Variants in SLC26A8 observed in about 807,000 individuals in gnomAD.
The protein encoded by SLC26A8 is testis anion transporter 1.
In SLC26A8, 70 loss-of-function variants were observed where a neutral mutation model predicts 105.0. The ratio of observed to expected loss-of-function variants is 0.67; its 90% CI spans 0.55 to 0.81. The LOEUF (loss-of-function observed/expected upper bound fraction) is 0.81. Among genes scored for constraint, SLC26A8 ranks in the 40% least tolerant of loss-of-function variants. The probability of loss-of-function intolerance (pLI) is 0.00; values close to 1 mark genes in which losing one functional copy is unlikely to be tolerated. For synonymous variants in SLC26A8, 415 were observed against 438.3 expected (o/e 0.95, Z 0.66); for missense variants, 998 against 1,181.8 (o/e 0.84, Z 2.28).
rs869306115 is a variant in SLC26A8, at chr6:35,989,927, C to CTTTTTTTTTTTTT, written c.942+1719_942+1731dup. On this transcript the variant is annotated intron_variant, in intron 7 of 19. Transcript: ENST00000490799. ...TTTGTTTGTTTGTTTGTTTTCTTTTCTTTTTTTTTTTTTTTTTTTTTTTTT... is the reference window on the plus strand; with the variant it reads ...TTTGTTTGTTTGTTTGTTTTCTTTTCTTTTTTTTTTTTTTTTTTTTTTTTTTTTTTTTTTTTTT... 4.7e-5 allele frequency: 4 copies of CTTTTTTTTTTTTT among 84,570 alleles called. 1 individual carries two copies. Among genetic ancestry groups the CTTTTTTTTTTTTT allele is most frequent in the Non-Finnish European group, 6.2e-5 (3 of 48,212 alleles). The allele number at this position is 84,570 out of a possible 1,614,324, so 5.2% of individuals were successfully genotyped here.
At chr6:35,989,042 A>T (rs1178644969) in intron 7 of SLC26A8, among the ~76,000 whole-genome samples, 1 of 151,958 alleles carries the variant, frequency 6.6e-6, no homozygotes, top group African/African-American at 2.4e-5. Flanking sequence ...GTGTTTCACC[A>T]TGTTGGCCAG....
intron 19 of SLC26A8, among the ~76,000 whole-genome samples, chr6:35,945,278 C>T (rs1275728613): frequency 6.6e-6 from 1 of 152,174 alleles, no homozygotes; most frequent in Admixed American, 6.6e-5. Context: ...CAGACTCAAT[C>T]AATTTCCAAC....
intron 17 of SLC26A8, among the ~76,000 whole-genome samples, chr6:35,953,121 C>A (rs1256218478): frequency 1.3e-5 from 2 of 150,436 alleles, no homozygotes; most frequent in African/African-American, 4.9e-5. Flanking sequence ...GCAGTATACA[C>A]AACTACAAAG....
chr6:35,949,381 G>A (rs376911161), intron 19 of SLC26A8, among the ~76,000 whole-genome samples: 170 of 152,074 alleles, frequency 1.1e-3, no homozygotes, highest in African/African-American at 4.0e-3. Flanking sequence ...GCAGTGAGCC[G>A]AGACCATGCC....
rs368843251 is a variant in SLC26A8, at chr6:35,944,100, C to A, written c.2713G>T (p.Glu905Ter). 1.2e-6 allele frequency: 2 copies of A among 1,613,926 alleles called. No individual in the cohort carries two copies. The highest frequency in any genetic ancestry group is 1.7e-6 in the Non-Finnish European group (2 of 1,179,994). The change falls in exon 20 of 20, where the codon GAG becomes TAG. Residue 905 changes from glutamate (E) to a stop codon, truncating the protein, a stop_gained. Transcript: ENST00000490799. LOFTEE classifies it high-confidence loss of function. ...TTGGGCTCCATCTCAGGCTCAGTCTCAGGCTGGGGCTCCATCTCGGTCTGG... is the reference window on the plus strand; with the variant it reads ...TTGGGCTCCATCTCAGGCTCAGTCTAAGGCTGGGGCTCCATCTCGGTCTGG... ...KTQTEMEPQP[E>*]TEPEMEPNPK...
At chr6:36,016,077 T>G (rs549670861) in intron 2 of SLC26A8, among the ~76,000 whole-genome samples, 14 of 151,894 alleles carry the variant, frequency 9.2e-5, no homozygotes, top group South Asian at 2.1e-4. Context: ...CACTGCAACC[T>G]CTGCCTCCCG....
chr6:35,975,913 C>CAA (rs34783824), intron 9 of SLC26A8, among the ~76,000 whole-genome samples: 2,080 of 80,714 alleles, frequency 0.026, 79 homozygotes, highest in African/African-American at 0.097. Flanking sequence ...AACTCCATCT[C>CAA]AAAAAAAAAA....
At position 35,959,706 on chromosome 6, in the gene SLC26A8, G is replaced by A. The variant is rs60714103; in HGVS notation, c.1731+8C>T. The A allele has an allele frequency of 8.7e-6, 14 of 1,606,276 alleles. No individual in the cohort carries two copies. Among genetic ancestry groups the A allele is most frequent in the Non-Finnish European group, 1.2e-5 (14 of 1,177,270 alleles). Reference sequence around the variant, plus strand: ...CAGGTTGAGAAAGGCGGGCAGGAGGGCAGATACCTCTTTTAACAGCTTATG... The same window carrying A: ...CAGGTTGAGAAAGGCGGGCAGGAGGACAGATACCTCTTTTAACAGCTTATG... On this transcript the variant is annotated splice_region_variant and intron_variant, in intron 15 of 19. Coordinates refer to ENST00000490799, the MANE Select transcript of SLC26A8 (RefSeq NM_052961.4).
intron 17 of SLC26A8, 43 bp from the exon 18 acceptor site, chr6:35,951,542 G>A: frequency 6.3e-7 from 1 of 1,598,364 alleles, no homozygotes; most frequent in Non-Finnish European, 8.6e-7. Flanking sequence ...CTTTATACTT[G>A]CTAGGAAAGG....
chr6:35,957,531 G>T (rs1379493780), intron 16 of SLC26A8, among the ~76,000 whole-genome samples: 1 of 152,046 alleles, frequency 6.6e-6, no homozygotes, highest in Admixed American at 6.6e-5. Context: ...CAGGCATTTG[G>T]GGAACAGGCC....
intron 16 of SLC26A8, among the ~76,000 whole-genome samples, chr6:35,958,322 A>G (rs1040812304): frequency 2.6e-5 from 4 of 152,024 alleles, no homozygotes; most frequent in African/African-American, 9.7e-5. Context: ...CAATATGGTG[A>G]AACCCCGATC....
intron 5 of SLC26A8, among the ~76,000 whole-genome samples, chr6:35,997,131 G>A (rs774741088): frequency 7.9e-5 from 12 of 152,238 alleles, no homozygotes; most frequent in Non-Finnish European, 1.2e-4. Context: ...CCACCGACCA[G>A]TACTGGTACT....
At chr6:35,954,997 C>T (rs1262186075) in intron 17 of SLC26A8, 155 bp downstream of exon 17, 18 of 792,920 alleles carry the variant, frequency 2.3e-5, no homozygotes, top group South Asian at 1.8e-4. Flanking sequence ...TTTTGATTGA[C>T]CTTATATTGT....
At chr6:35,946,477 T>C (rs145569137) in intron 19 of SLC26A8, among the ~76,000 whole-genome samples, 1 of 152,256 alleles carries the variant, frequency 6.6e-6, no homozygotes, top group African/African-American at 2.4e-5. Context: ...CCTCAAGTGA[T>C]CCACCTGCCT....
At chr6:35,957,901 T>C (rs1447828216) in intron 16 of SLC26A8, among the ~76,000 whole-genome samples, 1 of 152,028 alleles carries the variant, frequency 6.6e-6, no homozygotes, top group Non-Finnish European at 1.5e-5. Context: ...CCACTGCGCC[T>C]GGCCATCCGA....
chr6:36,019,453 C>A, intron 2 of SLC26A8, 67 bp downstream of exon 2: 1 of 1,483,666 alleles, frequency 6.7e-7, no homozygotes, highest in South Asian at 1.3e-5. Flanking sequence ...AAACGGACCC[C>A]AAAGGAGTCA....
chr6:36,009,376 A>G (rs910249340), intron 3 of SLC26A8, among the ~76,000 whole-genome samples: 10 of 151,618 alleles, frequency 6.6e-5, no homozygotes, highest in African/African-American at 1.9e-4. Flanking sequence ...AACAACAACA[A>G]CAACAACAAA....
chr6:35,988,210 C>T (rs1186732894), intron 7 of SLC26A8, among the ~76,000 whole-genome samples: 1 of 152,108 alleles, frequency 6.6e-6, no homozygotes, highest in Non-Finnish European at 1.5e-5. Context: ...CGTGCCCGGC[C>T]CCGAATTCAG....
intron 11 of SLC26A8, among the ~76,000 whole-genome samples, chr6:35,962,994 T>G (rs545915672): frequency 3.9e-5 from 6 of 152,206 alleles, no homozygotes; most frequent in African/African-American, 1.4e-4. Context: ...TTTGCCCTCC[T>G]CCTTAATTTG....
Sources: allele counts gnomAD v4.1 joint callset (sites outside exome capture counted in the v4.1 genomes callset), GRCh38; gene constraint gnomAD v4.1.1; transcripts MANE v1.5; gene names NCBI Gene and HGNC (gene_info 2026-07-23, HGNC 2026-07-21).